IQCM: variants seen among roughly 807,000 people sequenced by gnomAD.
IQCM encodes IQ motif containing M, also known as IQ domain-containing protein M.
Under a neutral mutation model 57.6 loss-of-function variants are expected in IQCM, and 45 were observed. The observed-to-expected ratio is 0.78, with a 90% CI of 0.62 to 1.00. The LOEUF is 1.00. Among genes scored for constraint, IQCM ranks in the 50% least tolerant of loss-of-function variants. The probability of loss-of-function intolerance (pLI) is 0.00; values close to 1 mark genes in which losing one functional copy is unlikely to be tolerated. For missense variants in IQCM, 468 were observed against 511.6 expected (o/e 0.91, Z 0.82); for synonymous variants, 148 against 158.9 (o/e 0.93, Z 0.51).
At chr4:149,754,462 T>TCCC (rs1482900917) in intron 2 of IQCM, among the ~76,000 whole-genome samples, 2 of 152,130 alleles carry the variant, frequency 1.3e-5, no homozygotes, top group African/African-American at 4.8e-5. Context: ...TGTCAGAGGG[T>TCCC]CTTTCTGGGG....
intron 13 of IQCM, among the ~76,000 whole-genome samples, chr4:149,368,771 C>CATGT (rs1730030180): frequency 1.4e-5 from 1 of 73,292 alleles, no homozygotes; most frequent in Non-Finnish European, 3.3e-5. Context: ...TATATATATA[C>CATGT]ATATATATAC....
At chr4:149,433,638 A>C (rs1186363483) in intron 12 of IQCM, 81 bp from the exon 13 acceptor site, 15 of 498,622 alleles carry the variant, frequency 3.0e-5, no homozygotes, top group Non-Finnish European at 4.1e-5. Context: ...GATGCAAATT[A>C]AAAACTAACA....
chr4:149,629,848 T>C (rs777230649), intron 7 of IQCM, among the ~76,000 whole-genome samples: 1 of 152,176 alleles, frequency 6.6e-6, no homozygotes, highest in Non-Finnish European at 1.5e-5. Context: ...CTCATTTTTT[T>C]CTAAAGAGAA....
chr4:149,567,018 C>G (rs1579516674), intron 9 of IQCM, among the ~76,000 whole-genome samples: 1 of 152,128 alleles, frequency 6.6e-6, no homozygotes, highest in Non-Finnish European at 1.5e-5. Context: ...TATGATATCA[C>G]TTTTGTTACA....
intron 5 of IQCM, among the ~76,000 whole-genome samples, chr4:149,708,405 A>G (rs988700321): frequency 1.3e-5 from 2 of 151,922 alleles, no homozygotes; most frequent in African/African-American, 4.8e-5. Flanking sequence ...CACCTCTACT[A>G]TATTTTGTCA....
intron 12 of IQCM, among the ~76,000 whole-genome samples, chr4:149,528,137 C>A (rs1476141456): frequency 6.6e-6 from 1 of 151,940 alleles, no homozygotes; most frequent in Non-Finnish European, 1.5e-5. Flanking sequence ...AGGCACCTGG[C>A]CCCACACCTG....
At chr4:149,683,749 C>T (rs910841476) in intron 6 of IQCM, among the ~76,000 whole-genome samples, 1 of 151,144 alleles carries the variant, frequency 6.6e-6, no homozygotes, top group Admixed American at 6.6e-5. Context: ...TTCAATTGTT[C>T]CTGACTAATG....
At chr4:149,402,590 T>A (rs776956610) in intron 13 of IQCM, among the ~76,000 whole-genome samples, 1 of 151,818 alleles carries the variant, frequency 6.6e-6, no homozygotes. Context: ...ATGACACTTA[T>A]GTACATTCAA....
At chr4:149,647,450 T>C (rs759712760) in intron 7 of IQCM, among the ~76,000 whole-genome samples, 8 of 152,258 alleles carry the variant, frequency 5.3e-5, no homozygotes, top group Non-Finnish European at 1.0e-4. Context: ...TCAAGCATCC[T>C]GAAAGATGCT....
At chr4:149,616,604 T>C (rs887705322) in intron 8 of IQCM, among the ~76,000 whole-genome samples, 34 of 152,268 alleles carry the variant, frequency 2.2e-4, no homozygotes, top group African/African-American at 7.0e-4. Flanking sequence ...ATGTATATTT[T>C]ACAAAATATA....
At chr4:149,531,187 A>C (rs369704567) in intron 12 of IQCM, among the ~76,000 whole-genome samples, 1 of 152,286 alleles carries the variant, frequency 6.6e-6, no homozygotes, top group African/African-American at 2.4e-5. Flanking sequence ...TCTATGAAGA[A>C]CTATTTGATT....
intron 9 of IQCM, among the ~76,000 whole-genome samples, chr4:149,583,982 T>A (rs564382931): frequency 6.6e-6 from 1 of 151,616 alleles, no homozygotes; most frequent in East Asian, 1.9e-4. Context: ...AATCTTTACC[T>A]TTATAAAAAT....
intron 9 of IQCM, among the ~76,000 whole-genome samples, chr4:149,583,285 C>A (rs1488511420): frequency 6.6e-6 from 1 of 151,406 alleles, no homozygotes; most frequent in East Asian, 1.9e-4. Context: ...ACACTTACTT[C>A]ATAGATGGTA....
chr4:149,418,642 T>C (rs989732348), intron 13 of IQCM, among the ~76,000 whole-genome samples: 3 of 151,818 alleles, frequency 2.0e-5, no homozygotes, highest in African/African-American at 7.2e-5. Flanking sequence ...AATAAAAAAT[T>C]AAACTTCAGG....
At chr4:149,436,816 C>G (rs1233653056) in intron 12 of IQCM, among the ~76,000 whole-genome samples, 3 of 152,084 alleles carry the variant, frequency 2.0e-5, no homozygotes, top group African/African-American at 4.8e-5. Flanking sequence ...CTTACCCCTA[C>G]CTCACCAGGC....
chr4:149,780,791 T>C lies in IQCM; in HGVS notation c.-49+34520A>G, dbSNP rs188846827. On this transcript the variant is annotated intron_variant, in intron 2 of 13. Coordinates refer to ENST00000636793, the MANE Select transcript of IQCM (RefSeq NM_001363507.2). ...AAACATCACCACAACCAGTAAATGG[T>C]TGCACATGGGGCTAGATTAAAAAGA... 9.6e-3 allele frequency among the ~76,000 whole-genome samples: 1,457 copies of C among 152,170 alleles called. 12 individuals are homozygous for C. The highest frequency in any genetic ancestry group is 0.014 in the Non-Finnish European group (984 of 67,944).
At chr4:149,472,340 G>T (rs1157389715) in intron 12 of IQCM, among the ~76,000 whole-genome samples, 1 of 151,900 alleles carries the variant, frequency 6.6e-6, no homozygotes, top group East Asian at 1.9e-4. Context: ...GACAGACAGA[G>T]AGCCAAATCA....
chr4:149,717,849 C>T (rs1245742648), intron 5 of IQCM, among the ~76,000 whole-genome samples: 1 of 152,168 alleles, frequency 6.6e-6, no homozygotes, highest in African/African-American at 2.4e-5. Flanking sequence ...CAATAAAAGA[C>T]TTAATTACTT....
intron 9 of IQCM, among the ~76,000 whole-genome samples, chr4:149,583,085 G>T (rs1752355565): frequency 6.6e-6 from 1 of 151,424 alleles, no homozygotes; most frequent in Admixed American, 6.6e-5. Flanking sequence ...TTTAGAATTG[G>T]TAATTCAATT....
Sources: allele counts gnomAD v4.1 joint callset (sites outside exome capture counted in the v4.1 genomes callset), GRCh38; gene constraint gnomAD v4.1.1; transcripts MANE v1.5; gene names NCBI Gene and HGNC (gene_info 2026-07-23, HGNC 2026-07-21).